Variants in SERAC1 observed in about 807,000 individuals in gnomAD.
SERAC1 encodes the protein protein SERAC1.
A neutral mutation model predicts 85.7 loss-of-function variants in SERAC1; 36 were observed. That is an observed-to-expected ratio of 0.42 (90% CI 0.32 to 0.55). SERAC1 has a LOEUF of 0.55. SERAC1 is among the 20% of genes least tolerant of loss of function. The pLI is 0.11. For synonymous variants in SERAC1, 242 were observed against 265.3 expected, an observed-to-expected ratio of 0.91 and a Z score of 0.85; for missense variants, 629 against 796.2, an observed-to-expected ratio of 0.79 and a Z score of 2.53.
intron 1 of SERAC1, among the ~76,000 whole-genome samples, chr6:158,165,110 T>C (rs758702660): frequency 4.6e-5 from 7 of 152,124 alleles, no homozygotes; most frequent in Non-Finnish European, 1.0e-4. Context: ...TATTATCTTG[T>C]TTTCTGTGTA....
chr6:158,114,712 A>C, intron 15 of SERAC1, 77 bp downstream of exon 15: 1 of 1,594,304 alleles, frequency 6.3e-7, no homozygotes, highest in Non-Finnish European at 8.6e-7. Context: ...AATACATTCA[A>C]GGAAGAAACT....
chr6:158,163,738 T>TTGTTGTTGTTG (rs1409752076), intron 1 of SERAC1, among the ~76,000 whole-genome samples: 162 of 99,328 alleles, frequency 1.6e-3, no homozygotes, highest in African/African-American at 5.6e-3. Context: ...TTTTGTTGTT[T>TTGTTGTTGTTG]TTTGTTTTCT....
intron 1 of SERAC1, among the ~76,000 whole-genome samples, chr6:158,160,562 T>G (rs7741311): frequency 0.12 from 18,727 of 152,270 alleles, 1,285 homozygotes; most frequent in Middle Eastern, 0.16. Context: ...CCTTTTCCCA[T>G]CATGGTTATA....
chr6:158,156,859 A>AATATTAATATATTTATATAG (rs796110300), intron 2 of SERAC1, among the ~76,000 whole-genome samples: 10 of 116,766 alleles, frequency 8.6e-5, no homozygotes, highest in African/African-American at 2.7e-4. Context: ...ATATATAATA[A>AATATTAATATATTTATATAG]ATATTAATAT....
At chr6:158,159,223 T>C (rs1562461431) in intron 1 of SERAC1, 1 of 152,106 alleles carries the variant, frequency 6.6e-6, no homozygotes, top group Non-Finnish European at 1.5e-5. Flanking sequence ...CTTTCACAAA[T>C]GCATTTAACA....
intron 14 of SERAC1, 83 bp from the exon 15 acceptor site, chr6:158,115,054 G>A: frequency 7.3e-7 from 1 of 1,370,686 alleles, no homozygotes; most frequent in Non-Finnish European, 9.9e-7. Context: ...GGCCAAACAA[G>A]AAATACATAA....
chr6:158,141,946 C>T (rs1183150336), intron 8 of SERAC1, among the ~76,000 whole-genome samples: 5 of 151,750 alleles, frequency 3.3e-5, no homozygotes, highest in East Asian at 1.9e-4. Context: ...TGAGAAAACG[C>T]ATTTAATTGG....
chr6:158,116,077 A>G, intron 14 of SERAC1, 108 bp downstream of exon 14: 1 of 810,226 alleles, frequency 1.2e-6, no homozygotes, highest in Non-Finnish European at 2.1e-6. Flanking sequence ...AGGGGGGGTA[A>G]GGGAGCCGCT....
In SERAC1 at chr6:158,134,067, C is replaced by T. The variant is rs147972634; in HGVS notation, c.739-3581G>A. Among the ~76,000 whole-genome samples, 1,468 of 152,284 alleles carry T rather than the reference C, an allele frequency of 9.6e-3. 24 individuals are homozygous for T. Among genetic ancestry groups the T allele is most frequent in the African/African-American group, 0.033 (1,362 of 41,544 alleles). On this transcript the variant is annotated intron_variant, in intron 8 of 16. Coordinates refer to ENST00000647468, the MANE Select transcript of SERAC1 (RefSeq NM_032861.4). ...CCTTTCAATGCCAACTATCACCAAA[C>T]GGTGAAGTTGCACATTCTCATACTA...
rs906322467 is a variant in SERAC1 at position 158,117,451 on chromosome 6, G to A, written c.1403+276C>T. On this transcript the variant is annotated intron_variant, in intron 13 of 16. Transcript: ENST00000647468. The surrounding 1 kb of genome is among the most constrained non-coding windows in gnomAD (Gnocchi z 4.3). ...CACTTTTACTTCTGATAGAAAAGGA[G>A]ACTGCTAGACAATCCACGATCCTTC... 4.2e-6 allele frequency: 6 copies of A among 1,433,128 alleles called. No homozygotes were observed. The highest frequency in any genetic ancestry group is 1.9e-4 in the Middle Eastern group (1 of 5,158). 88.8% of individuals were successfully genotyped at this position (1,433,128 alleles called of 1,614,324 possible). A position where few individuals can be genotyped will look rare whatever the true frequency, so the allele number is the denominator to read the frequency against.
intron 3 of SERAC1, among the ~76,000 whole-genome samples, chr6:158,151,352 G>A (rs567284567): frequency 3.8e-4 from 58 of 152,246 alleles, no homozygotes; most frequent in Middle Eastern, 6.8e-3. Context: ...TCAAGCCTGC[G>A]GCATGCTATG....
At chr6:158,135,149 T>A (rs960595503) in intron 8 of SERAC1, among the ~76,000 whole-genome samples, 8 of 151,862 alleles carry the variant, frequency 5.3e-5, no homozygotes, top group African/African-American at 9.7e-5. Flanking sequence ...GCTGAAAAAA[T>A]TTTCAGGTAA....
At chr6:158,135,355 C>T (rs892595761) in intron 8 of SERAC1, among the ~76,000 whole-genome samples, 2 of 152,030 alleles carry the variant, frequency 1.3e-5, no homozygotes, top group African/African-American at 2.4e-5. Context: ...AACATGGTGA[C>T]ATCCCGTCTC....
chr6:158,137,947 C>T (rs1215449161), intron 8 of SERAC1, among the ~76,000 whole-genome samples: 2 of 152,094 alleles, frequency 1.3e-5, no homozygotes, highest in Non-Finnish European at 2.9e-5. Flanking sequence ...TAAAATGAGG[C>T]ACCTGAAATG....
intron 1 of SERAC1, chr6:158,161,532 T>C (rs1190301486): frequency 6.6e-6 from 1 of 152,128 alleles, no homozygotes; most frequent in Admixed American, 6.6e-5. Flanking sequence ...TGTTTCTTTG[T>C]AGGCAAAATA....
At chr6:158,131,369 A>G in intron 8 of SERAC1, among the ~76,000 whole-genome samples, 2 of 147,222 alleles carry the variant, frequency 1.4e-5, no homozygotes, top group East Asian at 3.9e-4. Context: ...CTATATATTT[A>G]TATCTATATA....
Position 158,110,175 on chromosome 6 carries a change from T to C in SERAC1, c.*1191A>G, listed in dbSNP as rs1784110727. ...GGGAGGGTGGCTTGAGATCGGGAGT[T>C]TGAGACCTGGGCAACACAGTGAGAC... On this transcript the variant is annotated 3_prime_UTR_variant, in exon 17 of 17. Coordinates refer to ENST00000647468, the MANE Select transcript of SERAC1 (RefSeq NM_032861.4). The C allele has an allele frequency of 1.3e-5, 2 of 152,228 alleles. No homozygotes were observed. Among genetic ancestry groups the C allele is most frequent in the African/African-American group, 4.8e-5 (2 of 41,434 alleles). 9.4% of individuals were successfully genotyped at this position (152,228 alleles called of 1,614,324 possible).
chr6:158,151,580 C>T (rs1785206030), intron 3 of SERAC1, among the ~76,000 whole-genome samples: 1 of 152,002 alleles, frequency 6.6e-6, no homozygotes, highest in South Asian at 2.1e-4. Context: ...TGCCACCACG[C>T]CCGGGTAATT....
chr6:158,144,522 G>T, intron 6 of SERAC1, 102 bp from the exon 7 acceptor site: 1 of 1,129,718 alleles, frequency 8.9e-7, no homozygotes, highest in Non-Finnish European at 1.2e-6. Context: ...TTTTTAAACT[G>T]CTCTGCAAAT....
Sources: gnomAD v4.1 joint callset for allele counts (sites outside exome capture counted in the v4.1 genomes callset) on GRCh38, gnomAD v4.1.1 for gene constraint, Gnocchi (gnomAD v3.1) non-coding constraint, MANE v1.5 for transcripts, NCBI Gene and HGNC (gene_info 2026-07-23, HGNC 2026-07-21) for gene names.